Variants in CCDC12 observed in about 807,000 individuals in gnomAD.
The protein encoded by CCDC12 is coiled-coil domain-containing protein 12.
A neutral mutation model predicts 25.7 loss-of-function variants in CCDC12; 28 were observed. That is an observed-to-expected ratio of 1.09 (90% CI 0.81 to 1.50). CCDC12 has a LOEUF of 1.50. CCDC12 is among the 40% of genes most tolerant of loss of function. CCDC12 has a pLI of 0.00. For missense variants in CCDC12, 198 were observed against 210.0 expected (o/e 0.94, Z 0.35); for synonymous variants, 75 against 87.7 (o/e 0.86, Z 0.81).
intron 1 of CCDC12, among the ~76,000 whole-genome samples, chr3:46,942,899 G>A (rs920537647): frequency 2.0e-5 from 3 of 152,260 alleles, no homozygotes; most frequent in South Asian, 2.1e-4. Flanking sequence ...GGGCATTCCC[G>A]GTGGGAAGCA....
At chr3:46,979,681 C>G (rs1575572851), upstream of CCDC12, 1 of 316,564 alleles carries the variant, frequency 3.2e-6, no homozygotes, top group Middle Eastern at 8.6e-4. Flanking sequence ...GGAGGAGGAG[C>G]GAGCAGACTT....
intron 4 of CCDC12, 81 bp downstream of exon 4, chr3:46,923,526 G>C (rs759203372): frequency 1.3e-6 from 2 of 1,487,180 alleles, no homozygotes; most frequent in Admixed American, 1.9e-5. Flanking sequence ...AGAAGGAATG[G>C]GGGGCAGAGG....
chr3:46,962,434 CAAAAAAAAA>C (rs33969115), intron 1 of CCDC12, among the ~76,000 whole-genome samples: 15 of 63,182 alleles, frequency 2.4e-4, no homozygotes, highest in Admixed American at 1.1e-3. Context: ...AACTCTATCT[CAAAAAAAAA>C]AAAAAAAAAA....
intron 1 of CCDC12, among the ~76,000 whole-genome samples, chr3:46,953,306 A>C (rs2034185550): frequency 6.6e-6 from 1 of 152,154 alleles, no homozygotes; most frequent in Non-Finnish European, 1.5e-5. Context: ...GCGAGGCAGC[A>C]CTATGCAACA....
intron 1 of CCDC12, among the ~76,000 whole-genome samples, chr3:46,953,735 G>T (rs1429638255): frequency 1.3e-5 from 2 of 152,078 alleles, no homozygotes; most frequent in African/African-American, 4.8e-5. Flanking sequence ...TGCAGCCTGG[G>T]ACTCTAACCA....
At chr3:46,967,672 T>C (rs987053541) in intron 1 of CCDC12, among the ~76,000 whole-genome samples, 4 of 152,284 alleles carry the variant, frequency 2.6e-5, no homozygotes, top group Admixed American at 6.5e-5. Flanking sequence ...ACTCCTTCCA[T>C]AGAAGCCCCT....
At chr3:46,937,401 C>T (rs1177983638) in intron 2 of CCDC12, among the ~76,000 whole-genome samples, 1 of 152,226 alleles carries the variant, frequency 6.6e-6, no homozygotes, top group Non-Finnish European at 1.5e-5. Flanking sequence ...TCTCAGCACA[C>T]TCCAGAATGG....
intron 1 of CCDC12, among the ~76,000 whole-genome samples, chr3:46,944,700 C>G (rs1038880871): frequency 6.6e-6 from 1 of 152,048 alleles, no homozygotes; most frequent in Non-Finnish European, 1.5e-5. Flanking sequence ...GCCTTCCCCT[C>G]TACTCTGGAG....
chr3:46,928,802 C>T (rs954237616), intron 2 of CCDC12, among the ~76,000 whole-genome samples: 28 of 151,986 alleles, frequency 1.8e-4, no homozygotes, highest in African/African-American at 5.3e-4. Context: ...TGATCTCAGA[C>T]GGAAACATGG....
At chr3:46,934,820 GA>G (rs1164330403) in intron 2 of CCDC12, among the ~76,000 whole-genome samples, 3 of 152,252 alleles carry the variant, frequency 2.0e-5, no homozygotes, top group Non-Finnish European at 4.4e-5. Flanking sequence ...GACATCACCA[GA>G]TGTAGACATC....
At chr3:46,946,320 G>A (rs973266306) in intron 1 of CCDC12, among the ~76,000 whole-genome samples, 6 of 152,248 alleles carry the variant, frequency 3.9e-5, no homozygotes, top group Non-Finnish European at 5.9e-5. Context: ...TGTGCCATGA[G>A]TAGTAAGGAA....
intron 1 of CCDC12, among the ~76,000 whole-genome samples, chr3:46,956,150 T>C (rs1234888145): frequency 1.3e-5 from 2 of 152,226 alleles, no homozygotes; most frequent in African/African-American, 4.8e-5. Context: ...ATCACATCTA[T>C]TCTTACACCA....
intron 1 of CCDC12, among the ~76,000 whole-genome samples, chr3:46,950,729 G>C (rs1262574157): frequency 6.6e-6 from 1 of 152,142 alleles, no homozygotes; most frequent in Non-Finnish European, 1.5e-5. Context: ...TTTTAAAAGT[G>C]AGGCTCAAAT....
At chr3:46,979,937 G>A, upstream of CCDC12, 1 of 349,390 alleles carries the variant, frequency 2.9e-6, no homozygotes, top group Non-Finnish European at 5.1e-6. Context: ...CCCCGCGCCC[G>A]CACCCGCACC....
At chr3:46,964,081 T>G (rs1314188263) in intron 1 of CCDC12, among the ~76,000 whole-genome samples, 1 of 146,392 alleles carries the variant, frequency 6.8e-6, no homozygotes. Context: ...CCGTCTGGGA[T>G]GTGAGGAGCG....
In CCDC12 at chr3:46,925,539, C is replaced by A. The variant is rs149939388; in HGVS notation, c.165-4G>T. On this transcript the variant is annotated splice_region_variant and splice_polypyrimidine_tract_variant and intron_variant, in intron 2 of 6. Transcript: ENST00000683445. ...ATAGTTCCGCAGCCTAAGTTCCCTG[C>A]AAGAATAGAGGGAACAAGCAGAGAT... is the stretch of plus-strand genomic sequence containing the variant. The A allele has an allele frequency of 2.2e-4, 352 of 1,567,108 alleles. 1 individual carries two copies. In the African/African-American group the frequency reaches 4.3e-3, roughly 19 times the overall value.
In CCDC12 at chr3:46,923,663, C is replaced by T; in HGVS notation, c.250G>A (p.Glu84Lys). The change falls in exon 4 of 7, where the codon GAG becomes AAG. Residue 84 changes from glutamate to lysine, a missense_variant. Physicochemically the swap from Glu to Lys is moderately conservative, Grantham distance 56. Transcript: ENST00000683445. ...VPQAKPVAVE[E>K]KVKEQLEAAK... is the part of the protein sequence containing the mutation. ...GCCTCCAGCTGCTCCTTCACCTTCT[C>T]CTCCACTAGAGGGTGCAATTAAACA... 1.3e-6 allele frequency: 2 copies of T among 1,562,314 alleles called. No homozygotes were observed. Among genetic ancestry groups the T allele is most frequent in the Middle Eastern group, 1.7e-4 (1 of 5,790 alleles).
rs185941398 is a variant in CCDC12 at position 46,938,879 on chromosome 3, C to G, written c.164+2119G>C. On this transcript the variant is annotated intron_variant, in intron 2 of 6. Coordinates refer to ENST00000683445, the MANE Select transcript of CCDC12 (RefSeq NM_001277074.2). ...AAAAAAGAAAAAAAAAATCACACATCATAGAGCCTTTCCCTAATCCTGTTT... is the reference window on the plus strand; with the variant it reads ...AAAAAAGAAAAAAAAAATCACACATGATAGAGCCTTTCCCTAATCCTGTTT... Among the ~76,000 whole-genome samples the G allele has an allele frequency of 1.5e-3, 232 of 152,214 alleles. 3 individuals are homozygous for G. Among genetic ancestry groups the G allele is most frequent in the African/African-American group, 5.4e-3 (223 of 41,536 alleles).
intron 1 of CCDC12, among the ~76,000 whole-genome samples, chr3:46,947,718 C>T (rs973959549): frequency 2.0e-5 from 3 of 152,174 alleles, no homozygotes; most frequent in Admixed American, 6.5e-5. Flanking sequence ...AGAGGGCAGA[C>T]GTTTGTTGTA....
Sources: allele counts gnomAD v4.1 joint callset (sites outside exome capture counted in the v4.1 genomes callset), GRCh38; gene constraint gnomAD v4.1.1; transcripts MANE v1.5; gene names NCBI Gene and HGNC (gene_info 2026-07-23, HGNC 2026-07-21).